Variants in FAM149A observed in about 807,000 individuals in gnomAD.
FAM149A encodes protein FAM149A.
FAM149A carries 71 observed loss-of-function variants against 78.2 expected under a neutral mutation model. The observed-to-expected ratio is 0.91, with a 90% confidence interval of 0.75 to 1.11. FAM149A has a LOEUF of 1.11. FAM149A is among the 50% of genes least tolerant of loss of function. The pLI is 0.00. For synonymous variants in FAM149A, 446 were observed against 410.5 expected (o/e 1.09, Z -1.04); for missense variants, 1,036 against 971.0 (o/e 1.07, Z -0.89).
rs375153856 is a variant in FAM149A, at chr4:186,157,617, C to T, written c.1473C>T (p.His491=). ...AAGTGGCTGGAAACAGATTTCCGCA[C>T]GTCCTCGTTCCACACGCTCACGCCG... The change falls in exon 8 of 14, where the codon CAC becomes CAT. Residue 491 remains histidine (H), a synonymous_variant. Coordinates refer to ENST00000389354, the MANE Select transcript of FAM149A (RefSeq NM_001367768.3). The T allele has an allele frequency of 1.9e-5, 30 of 1,614,140 alleles. No individual in the cohort carries two copies. The highest frequency in any genetic ancestry group is 1.6e-4 in the Middle Eastern group (1 of 6,062).
At chr4:186,123,541 C>T (rs760969640) in intron 1 of FAM149A, 9 of 267,874 alleles carry the variant, frequency 3.4e-5, no homozygotes, top group South Asian at 1.4e-4. Context: ...AGAAAGAGCA[C>T]GTGAGCCACT....
intron 1 of FAM149A, among the ~76,000 whole-genome samples, chr4:186,140,909 TC>T (rs2099325531): frequency 6.6e-6 from 1 of 152,234 alleles, no homozygotes; most frequent in African/African-American, 2.4e-5. Context: ...AGGATTTAGC[TC>T]ATTGATTATG....
intron 1 of FAM149A, among the ~76,000 whole-genome samples, chr4:186,141,848 A>G (rs935623743): frequency 5.9e-5 from 9 of 152,214 alleles, no homozygotes; most frequent in Non-Finnish European, 1.3e-4. Flanking sequence ...GCAGTCTCAA[A>G]GGTGGACCAA....
chr4:186,146,495 T>G lies in FAM149A; in HGVS notation c.567-2678T>G, dbSNP rs1282819865. 3.0e-6 allele frequency: 3 copies of G among 985,156 alleles called. No individual in the cohort carries two copies. The African/African-American group carries it at 5.2e-5, about 17-fold the overall frequency. The allele number at this position is 985,156 out of a possible 1,614,324, so 61.0% of individuals were successfully genotyped here. On this transcript the variant is annotated intron_variant, in intron 1 of 13. Transcript: ENST00000389354. Reference sequence around the variant, plus strand: ...GAGATGAGTTCCTCCGTTTTGTAAATAATTTTCTCCTTAATTTGAAAAGAG... The same window carrying G: ...GAGATGAGTTCCTCCGTTTTGTAAAGAATTTTCTCCTTAATTTGAAAAGAG...
intron 1 of FAM149A, among the ~76,000 whole-genome samples, chr4:186,141,466 A>G (rs1359025958): frequency 6.6e-6 from 1 of 152,200 alleles, no homozygotes; most frequent in African/African-American, 2.4e-5. Context: ...ATGTATTTAC[A>G]TTATATTTCT....
chr4:186,163,943 A>G (rs1232187567), intron 10 of FAM149A, among the ~76,000 whole-genome samples: 4 of 152,214 alleles, frequency 2.6e-5, no homozygotes, highest in African/African-American at 9.6e-5. Context: ...CAATTACATA[A>G]TTAATACTTT....
chr4:186,162,627 A>G (rs966977774), intron 8 of FAM149A, among the ~76,000 whole-genome samples: 8 of 152,084 alleles, frequency 5.3e-5, no homozygotes, highest in Admixed American at 3.3e-4. Flanking sequence ...GGTGTGCTCA[A>G]TGTCCCCACT....
intron 1 of FAM149A, among the ~76,000 whole-genome samples, chr4:186,136,992 C>T (rs188399008): frequency 0.19 from 22,707 of 122,134 alleles, 3,124 homozygotes; most frequent in Non-Finnish European, 0.26. Flanking sequence ...CTCTCTCTCT[C>T]TCTCTCTCTC....
At chr4:186,124,405 C>T (rs1285637182) in intron 1 of FAM149A, among the ~76,000 whole-genome samples, 1 of 151,452 alleles carries the variant, frequency 6.6e-6, no homozygotes, top group Non-Finnish European at 1.5e-5. Flanking sequence ...AATGCTATCC[C>T]TCCCCGCTCC....
chr4:186,131,831 A>G (rs2126359243), intron 1 of FAM149A: 1 of 940,508 alleles, frequency 1.1e-6, no homozygotes, highest in South Asian at 4.9e-5. Context: ...CTAACCAAAA[A>G]GTAAAAGTTA....
intron 4 of FAM149A, among the ~76,000 whole-genome samples, chr4:186,152,746 G>A (rs1472701289): frequency 6.6e-6 from 1 of 151,328 alleles, no homozygotes; most frequent in African/African-American, 2.4e-5. Flanking sequence ...GGGTTTCACC[G>A]TGTTAGCCAG....
chr4:186,105,795 G>C lies in FAM149A; in HGVS notation c.566+153G>C, dbSNP rs2099308513. Among the ~76,000 whole-genome samples, 5 of 152,194 alleles carry C rather than the reference G, an allele frequency of 3.3e-5. No homozygotes were observed. In the South Asian group the frequency reaches 1.0e-3, roughly 32 times the overall value. On this transcript the variant is annotated intron_variant, in intron 1 of 13. Coordinates refer to ENST00000389354, the MANE Select transcript of FAM149A (RefSeq NM_001367768.3). ...GGGCACCCTCCTTGCACGTTTCCTG[G>C]GTTTTTACTCCTTGGCTTTGCGGGC...
At chr4:186,156,732 A>G (rs1033346867) in intron 7 of FAM149A, among the ~76,000 whole-genome samples, 4 of 152,192 alleles carry the variant, frequency 2.6e-5, no homozygotes, top group Admixed American at 6.5e-5. Context: ...TGGGAGACCA[A>G]GGCAGGAGAA....
chr4:186,120,735 A>C (rs1234913412), intron 1 of FAM149A, among the ~76,000 whole-genome samples: 2 of 139,868 alleles, frequency 1.4e-5, no homozygotes, highest in Non-Finnish European at 3.1e-5. Flanking sequence ...TGGAGCTTGC[A>C]GTGAGCCAAG....
chr4:186,136,944 C>CTCTCTCTCTCTCTT (rs2099323069), intron 1 of FAM149A, among the ~76,000 whole-genome samples: 7 of 114,932 alleles, frequency 6.1e-5, no homozygotes, highest in East Asian at 2.5e-4. Context: ...TGATCTCTCT[C>CTCTCTCTCTCTCTT]TCTCTCTCTC....
At position 186,132,667 on chromosome 4, in the gene FAM149A, A is replaced by G. The variant is rs186670769; in HGVS notation, c.567-16506A>G. ...CCACTTGTTCCAAGACAAAAGGAGC[A>G]GGGAGGGGAATGGCCAATTCGGTGC... On this transcript the variant is annotated intron_variant, in intron 1 of 13. Transcript: ENST00000389354. 2.3e-3 allele frequency among the ~76,000 whole-genome samples: 353 copies of G among 152,330 alleles called. 1 individual carries two copies. Among genetic ancestry groups the G allele is most frequent in the African/African-American group, 8.1e-3 (336 of 41,582 alleles).
At chr4:186,145,477 G>A (rs1732966852) in intron 1 of FAM149A, among the ~76,000 whole-genome samples, 1 of 152,204 alleles carries the variant, frequency 6.6e-6, no homozygotes, top group African/African-American at 2.4e-5. Context: ...TGTCAACTAG[G>A]AATAGAAAAT....
intron 11 of FAM149A, among the ~76,000 whole-genome samples, chr4:186,165,782 C>T (rs1225978370): frequency 1.3e-5 from 2 of 152,148 alleles, no homozygotes; most frequent in African/African-American, 4.8e-5. Flanking sequence ...ACAGGCAGGT[C>T]CGCGTGGATC....
chr4:186,155,257 T>A (rs2126486248), intron 6 of FAM149A, among the ~76,000 whole-genome samples: 1 of 152,332 alleles, frequency 6.6e-6, no homozygotes, highest in South Asian at 2.1e-4. Context: ...TGAGCCACTG[T>A]GCCCAGCCTT....
Sources: gnomAD v4.1 joint callset for allele counts (sites outside exome capture counted in the v4.1 genomes callset) on GRCh38, gnomAD v4.1.1 for gene constraint, MANE v1.5 for transcripts, NCBI Gene and HGNC (gene_info 2026-07-23, HGNC 2026-07-21) for gene names.